The following RAB11A variants were observed in gnomAD, a reference collection of about 807,000 sequenced individuals.
The protein encoded by RAB11A is RAB11A, member RAS oncogene family.
Under a neutral mutation model 28.0 loss-of-function variants are expected in RAB11A, and 9 were observed. That is an observed-to-expected ratio of 0.32 (90% CI 0.19 to 0.56). The LOEUF (loss-of-function observed/expected upper bound fraction) is 0.56. Ranked by LOEUF, RAB11A falls within the 20% of genes least tolerant of loss-of-function variation. RAB11A has a pLI of 0.91. For synonymous variants in RAB11A, 85 were observed against 88.2 expected (o/e 0.96, Z 0.20); for missense variants, 108 against 269.6 (o/e 0.40, Z 4.20).
chr15:65,876,644 A>G (rs77501391), intron 1 of RAB11A, among the ~76,000 whole-genome samples: 11,294 of 152,168 alleles, frequency 0.074, 535 homozygotes, highest in Non-Finnish European at 0.099. Flanking sequence ...TAGTTTCCTA[A>G]TACCCCCTGT....
chr15:65,885,181 A>G (rs1410692816), intron 4 of RAB11A, among the ~76,000 whole-genome samples: 1 of 140,458 alleles, frequency 7.1e-6, no homozygotes, highest in African/African-American at 2.7e-5. Context: ...CCCAGGCTGG[A>G]GTGCAGTGGT....
intron 1 of RAB11A, among the ~76,000 whole-genome samples, chr15:65,871,190 C>A (rs2078158945): frequency 6.6e-6 from 1 of 152,180 alleles, no homozygotes; most frequent in Non-Finnish European, 1.5e-5. Flanking sequence ...CTTTGCAAAT[C>A]TTGTTATACT....
chr15:65,889,910 A>G lies in RAB11A; in HGVS notation c.*2070A>G, dbSNP rs1228599141. On this transcript the variant is annotated 3_prime_UTR_variant, in exon 5 of 5. Transcript: ENST00000261890. ...AAAATGACTTTGATTGCATTTCAGC[A>G]GGTGTCTTTATTCTGAGTAGTATCT... 6.6e-6 allele frequency: 1 copy of G among 152,226 alleles called. No homozygotes were observed. The highest frequency in any genetic ancestry group is 2.4e-5 in the African/African-American group (1 of 41,446). 9.4% of individuals were successfully genotyped at this position (152,226 alleles called of 1,614,324 possible). A position where few individuals can be genotyped will look rare whatever the true frequency, so the allele number is the denominator to read the frequency against.
chr15:65,883,774 A>G (rs1419516097), intron 4 of RAB11A, among the ~76,000 whole-genome samples: 3 of 151,610 alleles, frequency 2.0e-5, no homozygotes, highest in African/African-American at 2.4e-5. Flanking sequence ...CTGGTCTCTA[A>G]CTCCTGGCCT....
At chr15:65,873,025 G>T (rs1445225731) in intron 1 of RAB11A, among the ~76,000 whole-genome samples, 1 of 152,178 alleles carries the variant, frequency 6.6e-6, no homozygotes, top group Non-Finnish European at 1.5e-5. Flanking sequence ...GATTAATAGG[G>T]GATGGAGTGG....
At chr15:65,879,321 T>C (rs114923416) in intron 3 of RAB11A, among the ~76,000 whole-genome samples, 6 of 152,240 alleles carry the variant, frequency 3.9e-5, no homozygotes, top group Non-Finnish European at 7.4e-5. Context: ...TCTCTTGCTA[T>C]TATTTTTAAT....
Position 65,869,673 on chromosome 15 carries a change from C to T in RAB11A, c.40+48C>T, listed in dbSNP as rs773981223. Reference sequence around the variant, plus strand: ...TCTACACAGTCCTCGTTCGGGGACCCGGGCCACTCCCGGTGGACCCTCGTG... The same window carrying T: ...TCTACACAGTCCTCGTTCGGGGACCTGGGCCACTCCCGGTGGACCCTCGTG... On this transcript the variant is annotated intron_variant, in intron 1 of 4. Coordinates refer to ENST00000261890, the MANE Select transcript of RAB11A (RefSeq NM_004663.5). 1.9e-6 allele frequency: 3 copies of T among 1,575,218 alleles called. 1 individual carries two copies. The highest frequency in any genetic ancestry group is 1.1e-5 in the South Asian group (1 of 89,902).
At chr15:65,884,997 T>C (rs1263347952) in intron 4 of RAB11A, among the ~76,000 whole-genome samples, 2 of 146,848 alleles carry the variant, frequency 1.4e-5, no homozygotes, top group African/African-American at 2.5e-5. Context: ...GGTCTCACAC[T>C]GTCCCCAGGC....
rs139295096 is a variant in RAB11A, at chr15:65,887,744, C to T, written c.555C>T (p.Arg185=). 46 of 1,613,216 alleles carry T rather than the reference C, an allele frequency of 2.9e-5. No homozygotes were observed. Among genetic ancestry groups the T allele is most frequent in the Middle Eastern group, 3.3e-4 (2 of 6,082 alleles). ...IVSQKQMSDR[R]ENDMSPSNNV... is the part of the protein sequence containing the mutation. The stretch of plus-strand genomic sequence containing the variant: ...CTCAGAAGCAAATGTCAGACAGACG[C>T]GAAAATGACATGTCTCCAAGCAACA... The change falls in exon 5 of 5, where the codon CGC becomes CGT. Residue 185 remains arginine, a synonymous_variant. Coordinates refer to ENST00000261890, the MANE Select transcript of RAB11A (RefSeq NM_004663.5).
At chr15:65,870,297 T>G (rs1372320784) in intron 1 of RAB11A, among the ~76,000 whole-genome samples, 1 of 152,172 alleles carries the variant, frequency 6.6e-6, no homozygotes, top group Non-Finnish European at 1.5e-5. Flanking sequence ...CACTCCCCAT[T>G]TGGCAACTCT....
chr15:65,869,753 T>TC (rs1201465479), intron 1 of RAB11A, 128 bp downstream of exon 1: 1 of 1,011,758 alleles, frequency 9.9e-7, no homozygotes, highest in Non-Finnish European at 1.4e-6. Context: ...TTTGTGCGGT[T>TC]CCGTCTCCTA....
In RAB11A at chr15:65,889,390, T is replaced by A. The variant is rs1192322455; in HGVS notation, c.*1550T>A. 6.6e-6 allele frequency: 1 copy of A among 152,238 alleles called. No homozygotes were observed. Among genetic ancestry groups the A allele is most frequent in the Non-Finnish European group, 1.5e-5 (1 of 68,044 alleles). The allele number at this position is 152,238 out of a possible 1,614,324, so 9.4% of individuals were successfully genotyped here. A position where few individuals can be genotyped will look rare whatever the true frequency, so the allele number is the denominator to read the frequency against. ...TGTATTTTATGCATGCTCTGTAATTTGATTTTTTTTTAGTTATTGATTTGG... is the reference window on the plus strand; with the variant it reads ...TGTATTTTATGCATGCTCTGTAATTAGATTTTTTTTTAGTTATTGATTTGG... On this transcript the variant is annotated 3_prime_UTR_variant, in exon 5 of 5. Coordinates refer to ENST00000261890, the MANE Select transcript of RAB11A (RefSeq NM_004663.5).
rs979480331 is a variant in RAB11A at position 65,877,660 on chromosome 15, T to G, written c.237-102T>G. On this transcript the variant is annotated intron_variant, in intron 2 of 4. Coordinates refer to ENST00000261890, the MANE Select transcript of RAB11A (RefSeq NM_004663.5). The surrounding 1 kb of genome is among the most constrained non-coding windows in gnomAD (Gnocchi z 4.1). ...GTATTAGGAATCCTTAGAAATTTAT[T>G]TATAAGTATGTTTTTAAAACTCATG... 1.0e-5 allele frequency: 14 copies of G among 1,336,440 alleles called. No homozygotes were observed. The African/African-American group carries it at 1.8e-4, about 17-fold the overall frequency. 82.8% of individuals were successfully genotyped at this position (1,336,440 alleles called of 1,614,324 possible).
chr15:65,885,551 C>T (rs2078251257), intron 4 of RAB11A, among the ~76,000 whole-genome samples: 2 of 152,110 alleles, frequency 1.3e-5, no homozygotes, highest in African/African-American at 4.8e-5. Context: ...GTATAGGAGC[C>T]AAGGGAAGTG....
intron 1 of RAB11A, among the ~76,000 whole-genome samples, chr15:65,870,588 G>A (rs948154485): frequency 1.1e-4 from 17 of 152,234 alleles, no homozygotes; most frequent in Admixed American, 4.6e-4. Flanking sequence ...TCCTGAGCAG[G>A]AAAGGTTGTG....
intron 4 of RAB11A, among the ~76,000 whole-genome samples, chr15:65,885,525 C>T (rs1322013014): frequency 4.6e-5 from 7 of 152,064 alleles, no homozygotes; most frequent in African/African-American, 1.7e-4. Flanking sequence ...ATTCAAGATC[C>T]ATTTAAAGAT....
intron 1 of RAB11A, among the ~76,000 whole-genome samples, chr15:65,875,717 C>T (rs2078187954): frequency 6.6e-6 from 1 of 152,178 alleles, no homozygotes; most frequent in Admixed American, 6.5e-5. Flanking sequence ...CCAAGACTGT[C>T]CAGAGGCTAG....
chr15:65,871,705 G>T (rs911033028), intron 1 of RAB11A, among the ~76,000 whole-genome samples: 1 of 152,042 alleles, frequency 6.6e-6, no homozygotes, highest in Non-Finnish European at 1.5e-5. Context: ...TTGGAATCAC[G>T]TAGACCTCGG....
intron 1 of RAB11A, among the ~76,000 whole-genome samples, chr15:65,871,824 T>C (rs1321510900): frequency 6.6e-6 from 1 of 151,342 alleles, no homozygotes; most frequent in Non-Finnish European, 1.5e-5. Context: ...CCTCTTAAGA[T>C]TGTGAGAATT....
Sources: gnomAD v4.1 joint callset for allele counts (sites outside exome capture counted in the v4.1 genomes callset) on GRCh38, gnomAD v4.1.1 for gene constraint, Gnocchi (gnomAD v3.1) non-coding constraint, MANE v1.5 for transcripts, NCBI Gene and HGNC (gene_info 2026-07-23, HGNC 2026-07-21) for gene names.